Variants in COL25A1 observed in about 807,000 individuals in gnomAD.
COL25A1 encodes the protein collagen alpha-1(XXV) chain.
In COL25A1, 103 loss-of-function variants were observed where a neutral mutation model predicts 128.4. The ratio of observed to expected loss-of-function variants is 0.80; its 90% confidence interval spans 0.68 to 0.94. The LOEUF (loss-of-function observed/expected upper bound fraction) is 0.94, where lower values mean the gene tolerates loss of function less well. Among genes scored for constraint, COL25A1 ranks in the 40% least tolerant of loss-of-function variants. The pLI is 0.00. For missense variants in COL25A1, 745 were observed against 840.0 expected, an observed-to-expected ratio of 0.89 and a Z score of 1.40; for synonymous variants, 279 against 277.2, an observed-to-expected ratio of 1.01 and a Z score of -0.06.
intron 3 of COL25A1, among the ~76,000 whole-genome samples, chr4:109,056,691 T>C (rs577341315): frequency 1.9e-4 from 29 of 152,076 alleles, no homozygotes; most frequent in African/African-American, 7.0e-4. Context: ...ATTATCAGTA[T>C]ATACATTAGA....
intron 5 of COL25A1, among the ~76,000 whole-genome samples, chr4:109,046,424 G>A (rs774643453): frequency 6.6e-6 from 1 of 152,098 alleles, no homozygotes; most frequent in Non-Finnish European, 1.5e-5. Flanking sequence ...AATTCATAAG[G>A]CAGAAATGAG....
At chr4:109,196,532 A>G (rs1230094221) in intron 3 of COL25A1, among the ~76,000 whole-genome samples, 3 of 152,190 alleles carry the variant, frequency 2.0e-5, no homozygotes, top group Non-Finnish European at 4.4e-5. Flanking sequence ...CCTCAACTAT[A>G]TCTCTACCAG....
At chr4:109,238,936 G>A (rs998581717) in intron 3 of COL25A1, among the ~76,000 whole-genome samples, 4 of 151,994 alleles carry the variant, frequency 2.6e-5, no homozygotes, top group Non-Finnish European at 4.4e-5. Context: ...GTGGGGGTAG[G>A]AGAGTAGAGG....
rs1413364814 is a variant in COL25A1, at chr4:109,058,134, T to C, written c.368-7955A>G. The stretch of plus-strand genomic sequence containing the variant: ...CTGTTCAAGACTACAAATAGCCTGA[T>C]GTTGCAGTTCATTGACTTTAATGAG... On this transcript the variant is annotated intron_variant, in intron 3 of 37. Coordinates refer to ENST00000399132, the MANE Select transcript of COL25A1 (RefSeq NM_198721.4). 3.3e-5 allele frequency among the ~76,000 whole-genome samples: 5 copies of C among 152,240 alleles called. No homozygotes were observed. The South Asian group carries it at 8.3e-4, about 25-fold the overall frequency.
intron 20 of COL25A1, among the ~76,000 whole-genome samples, chr4:108,868,169 G>T (rs1351776167): frequency 1.3e-5 from 2 of 152,096 alleles, no homozygotes; most frequent in Non-Finnish European, 2.9e-5. Flanking sequence ...CTCCTCCTCA[G>T]AATTTCTCTA....
intron 26 of COL25A1, among the ~76,000 whole-genome samples, chr4:108,849,017 A>C (rs1040050049): frequency 1.3e-5 from 2 of 152,172 alleles, no homozygotes. Flanking sequence ...CTAAGATCCA[A>C]TGCTTTTAGT....
chr4:108,896,594 TC>T, intron 16 of COL25A1, 72 bp downstream of exon 16: 1 of 1,270,938 alleles, frequency 7.9e-7, no homozygotes, highest in Non-Finnish European at 1.2e-6. Flanking sequence ...TCTCTAAAAA[TC>T]CCCCATCTTC....
chr4:109,083,046 A>G (rs1763995039), intron 3 of COL25A1, among the ~76,000 whole-genome samples: 1 of 152,236 alleles, frequency 6.6e-6, no homozygotes, highest in Non-Finnish European at 1.5e-5. Context: ...TTTCTAAAAT[A>G]AAACTTTGTA....
intron 13 of COL25A1, 60 bp from the exon 14 acceptor site, chr4:108,901,232 A>C: frequency 1.8e-6 from 2 of 1,135,482 alleles, no homozygotes; most frequent in Non-Finnish European, 2.7e-6. Flanking sequence ...CATTACATGG[A>C]TCATTAGAGG....
At chr4:109,005,804 AAAG>A (rs568241818) in intron 6 of COL25A1, among the ~76,000 whole-genome samples, 3 of 152,208 alleles carry the variant, frequency 2.0e-5, no homozygotes, top group East Asian at 1.9e-4. Context: ...ACAGGGAGTG[AAAG>A]AAGAAGTTTT....
chr4:109,116,773 G>A (rs1367012269), intron 3 of COL25A1, among the ~76,000 whole-genome samples: 1 of 151,910 alleles, frequency 6.6e-6, no homozygotes, highest in Non-Finnish European at 1.5e-5. Context: ...TAATATGCAA[G>A]GAGAGATGAT....
chr4:108,873,553 T>TAGTAGC (rs1739039695), intron 19 of COL25A1, among the ~76,000 whole-genome samples: 1 of 114,626 alleles, frequency 8.7e-6, no homozygotes, highest in Admixed American at 9.4e-5. Flanking sequence ...GTAGTAGTAG[T>TAGTAGC]AGTAGTAGCA....
intron 5 of COL25A1, among the ~76,000 whole-genome samples, chr4:109,023,365 T>C (rs1442329818): frequency 6.6e-6 from 1 of 152,224 alleles, no homozygotes; most frequent in Admixed American, 6.5e-5. Flanking sequence ...CAGCAATGCA[T>C]GAACGGCATT....
intron 3 of COL25A1, among the ~76,000 whole-genome samples, chr4:109,270,319 A>C (rs1782108291): frequency 6.6e-6 from 1 of 152,092 alleles, no homozygotes; most frequent in African/African-American, 2.4e-5. Context: ...ATCTAGAAAA[A>C]CCCATTGTCT....
chr4:108,809,560 C>G lies in COL25A1; in HGVS notation c.*4367G>C, dbSNP rs764636889. 3.3e-5 allele frequency: 5 copies of G among 152,004 alleles called. No individual in the cohort carries two copies. Among genetic ancestry groups the G allele is most frequent in the Non-Finnish European group, 2.9e-5 (2 of 67,890 alleles). 9.4% of individuals were successfully genotyped at this position (152,004 alleles called of 1,614,324 possible). A position where few individuals can be genotyped will look rare whatever the true frequency, so the allele number is the denominator to read the frequency against. ...AAAAGTCTTCTTATGCCCAAAAGGA[C>G]GGTTCTTTCAATAAGCAGCATAGGC... On this transcript the variant is annotated 3_prime_UTR_variant, in exon 38 of 38. Coordinates refer to ENST00000399132, the MANE Select transcript of COL25A1 (RefSeq NM_198721.4).
intron 3 of COL25A1, among the ~76,000 whole-genome samples, chr4:109,128,439 C>T (rs914397945): frequency 1.3e-5 from 2 of 152,190 alleles, no homozygotes; most frequent in African/African-American, 4.8e-5. Context: ...CCACCTATGA[C>T]CTGTGGGTCC....
intron 6 of COL25A1, among the ~76,000 whole-genome samples, chr4:108,976,276 TA>T (rs1356928972): frequency 1.3e-5 from 2 of 152,236 alleles, no homozygotes; most frequent in African/African-American, 4.8e-5. Flanking sequence ...TGATGTGAGG[TA>T]AAAGTCAAGA....
intron 3 of COL25A1, among the ~76,000 whole-genome samples, chr4:109,290,999 C>T (rs886928792): frequency 1.3e-5 from 2 of 152,098 alleles, no homozygotes; most frequent in Non-Finnish European, 2.9e-5. Context: ...TTTTCTCTTC[C>T]AGTCTTCCTT....
chr4:108,909,400 TG>T (rs1253880430), intron 13 of COL25A1, among the ~76,000 whole-genome samples: 2 of 152,210 alleles, frequency 1.3e-5, no homozygotes, highest in African/African-American at 4.8e-5. Context: ...TTTGCTGAAA[TG>T]GGTCTTAAAC....
Sources: allele counts gnomAD v4.1 joint callset (sites outside exome capture counted in the v4.1 genomes callset), GRCh38; gene constraint gnomAD v4.1.1; transcripts MANE v1.5; gene names NCBI Gene and HGNC (gene_info 2026-07-23, HGNC 2026-07-21).